The following EVC variants were observed in gnomAD, a reference collection of about 807,000 sequenced individuals.
EVC encodes the protein evC complex member EVC.
A neutral mutation model predicts 118.9 loss-of-function variants in EVC; 116 were observed. The ratio of observed to expected loss-of-function variants is 0.98; its 90% CI spans 0.84 to 1.14. The LOEUF (loss-of-function observed/expected upper bound fraction) is 1.14. Ranked by LOEUF, EVC falls within the 50% of genes most tolerant of loss-of-function variation. The pLI, the probability that EVC is intolerant of heterozygous loss-of-function variation, is 0.00. For missense variants in EVC, 1,401 were observed against 1,246.4 expected (o/e 1.12, Z -1.87); for synonymous variants, 619 against 534.7 (o/e 1.16, Z -2.18).
At chr4:5,817,800 G>C (rs1429731084), downstream of EVC, among the ~76,000 whole-genome samples, 1 of 152,146 alleles carries the variant, frequency 6.6e-6, no homozygotes, top group Non-Finnish European at 1.5e-5. Context: ...ACCTTCTCTT[G>C]TCCACTGTCT....
At chr4:5,767,617 A>C (rs1733140557) in intron 11 of EVC, among the ~76,000 whole-genome samples, 1 of 151,806 alleles carries the variant, frequency 6.6e-6, no homozygotes, top group Non-Finnish European at 1.5e-5. Flanking sequence ...CCGTTTTTTA[A>C]GCCCGTCGGA....
At chr4:5,801,430 G>C (rs993700791) in intron 15 of EVC, among the ~76,000 whole-genome samples, 1 of 152,140 alleles carries the variant, frequency 6.6e-6, no homozygotes, top group African/African-American at 2.4e-5. Flanking sequence ...TGTACTCCAA[G>C]TACTTTGGGA....
intron 11 of EVC, among the ~76,000 whole-genome samples, chr4:5,761,146 G>T (rs1731945721): frequency 6.6e-6 from 1 of 152,092 alleles, no homozygotes; most frequent in Non-Finnish European, 1.5e-5. Flanking sequence ...CTGTGCAATG[G>T]AGACTGGGAG....
At chr4:5,785,873 G>A (rs907431177) in intron 12 of EVC, among the ~76,000 whole-genome samples, 2 of 152,190 alleles carry the variant, frequency 1.3e-5, no homozygotes, top group Non-Finnish European at 2.9e-5. Flanking sequence ...ATCCTAGGCC[G>A]CAGACCAATT....
Position 5,731,768 on chromosome 4 carries a change from GCCAGGGACACACAGCGA to G in EVC, c.617+114_617+130del. Reference sequence around the variant, plus strand: ...AGGCCCAGAGAGGTTCAGTGACTCTGCCAGGGACACACAGCGACCCAGCGTCACCATCGGAGCCCCAG... The same window carrying G: ...AGGCCCAGAGAGGTTCAGTGACTCTGCCCAGCGTCACCATCGGAGCCCCAG... On this transcript the variant is annotated intron_variant, in intron 4 of 20. Coordinates refer to ENST00000264956, the MANE Select transcript of EVC (RefSeq NM_153717.3). This position sits in a 1 kb window ranked among gnomAD's most constrained non-coding sequence, Gnocchi z 5.6. 9.1e-7 allele frequency: 1 copy of G among 1,103,394 alleles called. No homozygotes were observed. The highest frequency in any genetic ancestry group is 1.3e-6 in the Non-Finnish European group (1 of 742,824). 68.4% of individuals were successfully genotyped at this position (1,103,394 alleles called of 1,614,324 possible).
Position 5,741,749 on chromosome 4 carries a change from G to A in EVC, c.736G>A (p.Asp246Asn). 6.4e-7 allele frequency: 1 copy of A among 1,574,162 alleles called. No homozygotes were observed. Among genetic ancestry groups the A allele is most frequent in the African/African-American group, 1.3e-5 (1 of 74,334 alleles). Residue 246 changes from aspartate (D) to asparagine (N), a missense_variant, in exon 6 of 21, where the codon GAC becomes AAC. Coordinates refer to ENST00000264956, the MANE Select transcript of EVC (RefSeq NM_153717.3). The stretch of plus-strand genomic sequence containing the variant: ...TCAGATTTTTAAAATGTGCCTCCTT[G>A]ACCTTCTTCCTAAAAAGAAGTCAGA... ...FIQIFKMCLLDLLPKKKSDDE... is the reference protein window; with the variant it reads ...FIQIFKMCLLNLLPKKKSDDE...
chr4:5,735,248 G>A lies in EVC; in HGVS notation c.702+1813G>A, dbSNP rs998947206. ...GACAAAGCATCATGCGAGTGTGAAG[G>A]GGGCACCTGAGGGAATGCAGAGCTG... On this transcript the variant is annotated intron_variant, in intron 5 of 20. Coordinates refer to ENST00000264956, the MANE Select transcript of EVC (RefSeq NM_153717.3). Among the ~76,000 whole-genome samples the A allele has an allele frequency of 2.6e-5, 4 of 152,226 alleles. No individual in the cohort carries two copies. In the South Asian group the frequency reaches 8.3e-4, roughly 32 times the overall value.
rs1295055361 is a variant in EVC at position 5,799,170 on chromosome 4, G to A, written c.2304+378G>A. Among the ~76,000 whole-genome samples the A allele has an allele frequency of 5.3e-5, 8 of 152,240 alleles. No individual in the cohort carries two copies. The South Asian group carries it at 1.5e-3, about 28-fold the overall frequency. ...AGAAAGAGAGACGTGTGCTTTCCCTGCCCCTGGCCGCCTCTGCTGAGACAT... is the reference window on the plus strand; with the variant it reads ...AGAAAGAGAGACGTGTGCTTTCCCTACCCCTGGCCGCCTCTGCTGAGACAT... On this transcript the variant is annotated intron_variant, in intron 15 of 20. Transcript: ENST00000264956.
At position 5,745,454 on chromosome 4, in the gene EVC, C is replaced by G. The variant is rs759012138; in HGVS notation, c.939+113C>G. 5 of 1,142,826 alleles carry G rather than the reference C, an allele frequency of 4.4e-6. No individual in the cohort carries two copies. The African/African-American group carries it at 4.6e-5, about 11-fold the overall frequency. The allele number at this position is 1,142,826 out of a possible 1,614,324, so 70.8% of individuals were successfully genotyped here. On this transcript the variant is annotated intron_variant, in intron 7 of 20. Coordinates refer to ENST00000264956, the MANE Select transcript of EVC (RefSeq NM_153717.3). ...GTGCCTAATACTTGAATTCCCCTAT[C>G]GCATTCTGCCCTAGAGGCAGGATCC...
At chr4:5,799,589 A>C (rs1714601731) in intron 15 of EVC, among the ~76,000 whole-genome samples, 1 of 152,090 alleles carries the variant, frequency 6.6e-6, no homozygotes, top group African/African-American at 2.4e-5. Context: ...GGCACCCCTT[A>C]CAGCACCTCG....
intron 12 of EVC, among the ~76,000 whole-genome samples, chr4:5,786,886 A>AG (rs1171868287): frequency 6.6e-6 from 1 of 152,056 alleles, no homozygotes; most frequent in African/African-American, 2.4e-5. Context: ...AAAAAAAAAA[A>AG]AAAATTAACA....
At chr4:5,791,590 A>C (rs1298971119) in intron 12 of EVC, among the ~76,000 whole-genome samples, 1 of 152,152 alleles carries the variant, frequency 6.6e-6, no homozygotes, top group Non-Finnish European at 1.5e-5. Flanking sequence ...TATATTTACA[A>C]ATTAAATATA....
intron 11 of EVC, among the ~76,000 whole-genome samples, chr4:5,778,738 T>C (rs1387478271): frequency 6.6e-6 from 1 of 152,184 alleles, no homozygotes; most frequent in African/African-American, 2.4e-5. Context: ...TTCTGGATAT[T>C]AGCCCTTTGT....
chr4:5,740,209 G>T (rs757865623), intron 5 of EVC, among the ~76,000 whole-genome samples: 2 of 152,020 alleles, frequency 1.3e-5, no homozygotes, highest in Non-Finnish European at 2.9e-5. Context: ...GTTGGCTCAC[G>T]CCTATAATCC....
the EVC span, chr4:5,824,439 G>T: frequency 1.0e-6 from 1 of 985,190 alleles, no homozygotes; most frequent in Non-Finnish European, 1.2e-6. Context: ...CTTCCTGAAT[G>T]GATAAGAGGT....
At chr4:5,815,077 G>A (rs573950487), downstream of EVC, among the ~76,000 whole-genome samples, 4 of 152,312 alleles carry the variant, frequency 2.6e-5, no homozygotes, top group African/African-American at 9.6e-5. Flanking sequence ...GGCCTCCCTA[G>A]TGTCACCTGA....
intron 11 of EVC, among the ~76,000 whole-genome samples, chr4:5,762,353 A>G (rs1732195442): frequency 7.2e-6 from 1 of 139,272 alleles, no homozygotes; most frequent in South Asian, 2.6e-4. Flanking sequence ...ATAGTGCCGC[A>G]ATAAACATAC....
chr4:5,808,715 C>G, intron 18 of EVC, among the ~76,000 whole-genome samples: 1 of 152,236 alleles, frequency 6.6e-6, no homozygotes, highest in East Asian at 1.9e-4. Context: ...AAAGTTTACA[C>G]TTTATTTACA....
At chr4:5,778,021 A>T (rs1734978709) in intron 11 of EVC, among the ~76,000 whole-genome samples, 1 of 129,454 alleles carries the variant, frequency 7.7e-6, no homozygotes. Flanking sequence ...CCAGAGTGTG[A>T]TGTTCCCCTT....
Sources: gnomAD v4.1 joint callset for allele counts (sites outside exome capture counted in the v4.1 genomes callset) on GRCh38, gnomAD v4.1.1 for gene constraint, Gnocchi (gnomAD v3.1) non-coding constraint, MANE v1.5 for transcripts, NCBI Gene and HGNC (gene_info 2026-07-23, HGNC 2026-07-21) for gene names.